FMN1: variants seen among roughly 807,000 people sequenced by gnomAD.
FMN1 encodes formin-1.
FMN1 carries 110 observed loss-of-function variants against 132.4 expected under a neutral mutation model. The observed-to-expected ratio is 0.83, with a 90% CI of 0.71 to 0.97. The LOEUF is 0.97. Among genes scored for constraint, FMN1 ranks in the 50% least tolerant of loss-of-function variants. The pLI is 0.00. For synonymous variants in FMN1, 722 were observed against 651.7 expected (o/e 1.11, Z -1.64); for missense variants, 1,792 against 1,705.3 (o/e 1.05, Z -0.90).
chr15:33,089,088 T>TAGAGAAG, intron 4 of FMN1, 114 bp from the exon 5 acceptor site: 1 of 807,226 alleles, frequency 1.2e-6, no homozygotes, highest in South Asian at 2.3e-5. Context: ...TTACTTTGCT[T>TAGAGAAG]TCTAAGTTAT....
At chr15:33,056,515 C>A (rs551398011) in intron 6 of FMN1, among the ~76,000 whole-genome samples, 1 of 152,278 alleles carries the variant, frequency 6.6e-6, no homozygotes, top group African/African-American at 2.4e-5. Flanking sequence ...GAACAGTAGG[C>A]CCCCTTTGAT....
chr15:32,841,781 A>C (rs563455503), intron 17 of FMN1, among the ~76,000 whole-genome samples: 6 of 152,356 alleles, frequency 3.9e-5, no homozygotes, highest in African/African-American at 1.4e-4. Flanking sequence ...TCCATCCTGA[A>C]GGAGTTACGA....
At chr15:32,915,418 T>C (rs896962667) in intron 10 of FMN1, among the ~76,000 whole-genome samples, 4 of 152,254 alleles carry the variant, frequency 2.6e-5, no homozygotes, top group African/African-American at 9.6e-5. Flanking sequence ...TAATTTGTAA[T>C]CATAATGATC....
Position 32,992,921 on chromosome 15 carries a change from T to C in FMN1, c.2223+15093A>G, listed in dbSNP as rs2033528019. The stretch of plus-strand genomic sequence containing the variant: ...GACCAAGTAATACTAATTTAACAGT[T>C]TTCACTAACTTTATTTTTCATGGAT... On this transcript the variant is annotated intron_variant, in intron 7 of 20. Coordinates refer to ENST00000616417, the MANE Select transcript of FMN1 (RefSeq NM_001277313.2). Among the ~76,000 whole-genome samples, 3 of 152,184 alleles carry C rather than the reference T, an allele frequency of 2.0e-5. No individual in the cohort carries two copies. In the South Asian group the frequency reaches 6.2e-4, roughly 32 times the overall value.
intron 17 of FMN1, among the ~76,000 whole-genome samples, chr15:32,816,701 A>T (rs890806714): frequency 5.3e-5 from 8 of 152,064 alleles, no homozygotes; most frequent in African/African-American, 1.9e-4. Flanking sequence ...GAAAAACTGT[A>T]AAACTGTCAT....
At chr15:33,122,788 T>C (rs1345111583) in intron 4 of FMN1, among the ~76,000 whole-genome samples, 3 of 152,230 alleles carry the variant, frequency 2.0e-5, no homozygotes, top group African/African-American at 7.2e-5. Flanking sequence ...GCTGCCATTA[T>C]TCTGTTACAT....
chr15:32,809,156 G>T (rs1316757515), intron 17 of FMN1, among the ~76,000 whole-genome samples: 1 of 152,064 alleles, frequency 6.6e-6, no homozygotes, highest in African/African-American at 2.4e-5. Flanking sequence ...TCCCCTTAAT[G>T]ACCATGGAGT....
At chr15:33,053,710 T>C (rs969616785) in intron 6 of FMN1, among the ~76,000 whole-genome samples, 27 of 152,120 alleles carry the variant, frequency 1.8e-4, no homozygotes, top group African/African-American at 6.0e-4. Context: ...TATAATGTAT[T>C]ATAAAGAATA....
At chr15:33,193,552 T>C (rs565590956) in intron 2 of FMN1, among the ~76,000 whole-genome samples, 1 of 152,176 alleles carries the variant, frequency 6.6e-6, no homozygotes, top group Non-Finnish European at 1.5e-5. Context: ...AGTCAGGTTG[T>C]CTGCTACTCC....
intron 6 of FMN1, among the ~76,000 whole-genome samples, chr15:33,052,416 C>T (rs911044544): frequency 6.6e-6 from 1 of 152,284 alleles, no homozygotes; most frequent in Admixed American, 6.5e-5. Context: ...AATACACGTG[C>T]ATGGAATCAA....
chr15:33,165,546 A>G lies in FMN1; in HGVS notation c.-131-10501T>C, dbSNP rs573366747. Among the ~76,000 whole-genome samples, 12 of 152,084 alleles carry G rather than the reference A, an allele frequency of 7.9e-5. No homozygotes were observed. In the South Asian group the frequency reaches 2.1e-3, roughly 26 times the overall value. The stretch of plus-strand genomic sequence containing the variant: ...GCTGGGAATACAGGCGCCCGCCACC[A>G]CGCCCGGCTAATTTTTTTGTATTTT... On this transcript the variant is annotated intron_variant, in intron 3 of 20. Coordinates refer to ENST00000616417, the MANE Select transcript of FMN1 (RefSeq NM_001277313.2).
At chr15:33,043,550 T>C (rs1473890390) in intron 6 of FMN1, among the ~76,000 whole-genome samples, 1 of 152,258 alleles carries the variant, frequency 6.6e-6, no homozygotes, top group Admixed American at 6.5e-5. Flanking sequence ...GAATTGTTCA[T>C]TGCTCAATTA....
chr15:32,939,127 C>G (rs1301176794), intron 9 of FMN1, among the ~76,000 whole-genome samples: 1 of 152,190 alleles, frequency 6.6e-6, no homozygotes, highest in East Asian at 1.9e-4. Context: ...TACTGTAAAC[C>G]TTTATTCCTT....
At chr15:33,013,645 A>G (rs2034867749) in intron 6 of FMN1, among the ~76,000 whole-genome samples, 1 of 152,224 alleles carries the variant, frequency 6.6e-6, no homozygotes, top group African/African-American at 2.4e-5. Context: ...TCGTTTCCTC[A>G]AATATCAATA....
chr15:32,769,756 ATTTC>A lies in FMN1; in HGVS notation c.*4550_*4553del, dbSNP rs756518691. 4 of 152,204 alleles carry A rather than the reference ATTTC, an allele frequency of 2.6e-5. No individual in the cohort carries two copies. Among genetic ancestry groups the A allele is most frequent in the Non-Finnish European group, 5.9e-5 (4 of 68,026 alleles). The allele number at this position is 152,204 out of a possible 1,614,324, so 9.4% of individuals were successfully genotyped here. A position where few individuals can be genotyped will look rare whatever the true frequency, so the allele number is the denominator to read the frequency against. On this transcript the variant is annotated 3_prime_UTR_variant, in exon 21 of 21. Transcript: ENST00000616417. Reference sequence around the variant, plus strand: ...CAGACTGGTTTCATCTGTGTTGCAGATTTCTTTATGAGGTCAAAGTAGCAGACAT... The same window carrying A: ...CAGACTGGTTTCATCTGTGTTGCAGATTTATGAGGTCAAAGTAGCAGACAT...
intron 4 of FMN1, among the ~76,000 whole-genome samples, chr15:33,111,243 AAAGGATCC>A (rs1005835781): frequency 4.6e-5 from 7 of 152,168 alleles, no homozygotes. Context: ...AAAAAAACTT[AAAGGATCC>A]TTTGAAATGC....
chr15:33,113,724 T>C lies in FMN1; in HGVS notation c.1868-24750A>G, dbSNP rs1279875439. ...GGGGCCCCACGTTGAACACTGTGCATTGGATTCCTGGTGCTCCACCTCAGA... is the reference window on the plus strand; with the variant it reads ...GGGGCCCCACGTTGAACACTGTGCACTGGATTCCTGGTGCTCCACCTCAGA... On this transcript the variant is annotated intron_variant, in intron 4 of 20. Coordinates refer to ENST00000616417, the MANE Select transcript of FMN1 (RefSeq NM_001277313.2). 2.0e-5 allele frequency among the ~76,000 whole-genome samples: 3 copies of C among 152,254 alleles called. No individual in the cohort carries two copies. The East Asian group carries it at 5.8e-4, about 29-fold the overall frequency.
At chr15:33,189,701 T>TA (rs1250580929) in intron 2 of FMN1, among the ~76,000 whole-genome samples, 1 of 152,206 alleles carries the variant, frequency 6.6e-6, no homozygotes, top group African/African-American at 2.4e-5. Flanking sequence ...GATCCTTGAT[T>TA]TCCTCATCTG....
chr15:32,935,401 C>T (rs2061240250), intron 9 of FMN1, among the ~76,000 whole-genome samples: 1 of 151,996 alleles, frequency 6.6e-6, no homozygotes, highest in African/African-American at 2.4e-5. Flanking sequence ...TCTTTTTTGT[C>T]TTTAACTTTT....
Sources: allele counts gnomAD v4.1 joint callset (sites outside exome capture counted in the v4.1 genomes callset), GRCh38; gene constraint gnomAD v4.1.1; transcripts MANE v1.5; gene names NCBI Gene and HGNC (gene_info 2026-07-23, HGNC 2026-07-21).